The following TFCP2L1 variants were observed in gnomAD, a reference collection of about 807,000 sequenced individuals.
TFCP2L1 encodes the protein transcription factor CP2-like protein 1.
Under a neutral mutation model 72.2 loss-of-function variants are expected in TFCP2L1, and 12 were observed. The ratio of observed to expected loss-of-function variants is 0.17; its 90% CI spans 0.11 to 0.27. The LOEUF (loss-of-function observed/expected upper bound fraction) is 0.27. Among genes scored for constraint, TFCP2L1 ranks in the 10% least tolerant of loss-of-function variants. TFCP2L1 has a pLI of 1.00. For synonymous variants in TFCP2L1, 260 were observed against 251.0 expected, an observed-to-expected ratio of 1.04 and a Z score of -0.34; for missense variants, 488 against 624.6, an observed-to-expected ratio of 0.78 and a Z score of 2.33.
intron 6 of TFCP2L1, 114 bp downstream of exon 6, chr2:121,246,704 G>T: frequency 7.3e-7 from 1 of 1,365,710 alleles, no homozygotes. Context: ...GTGCTAAAGG[G>T]ATGCTGCGTT....
At chr2:121,274,486 G>A (rs1212118284) in intron 2 of TFCP2L1, among the ~76,000 whole-genome samples, 2 of 152,114 alleles carry the variant, frequency 1.3e-5, no homozygotes, top group Non-Finnish European at 2.9e-5. Flanking sequence ...TTCATCTTAT[G>A]TGCCTAAGGT....
intron 8 of TFCP2L1, among the ~76,000 whole-genome samples, chr2:121,239,149 C>T (rs1268467280): frequency 1.3e-5 from 2 of 152,140 alleles, no homozygotes; most frequent in African/African-American, 4.8e-5. Context: ...AAACCCAAGG[C>T]AGAGAGGACC....
At position 121,218,819 on chromosome 2, in the gene TFCP2L1, A is replaced by G. The variant is rs1177540731; in HGVS notation, c.*5522T>C. ...CAGATCTGTTAGCTGTGACCCATAG[A>G]TTGGGGGAGGGAGGAAAGCCAGGAG... On this transcript the variant is annotated 3_prime_UTR_variant, in exon 15 of 15. Coordinates refer to ENST00000263707, the MANE Select transcript of TFCP2L1 (RefSeq NM_014553.3). 1 of 152,290 alleles carries G rather than the reference A, an allele frequency of 6.6e-6. No homozygotes were observed. Among genetic ancestry groups the G allele is most frequent in the African/African-American group, 2.4e-5 (1 of 41,412 alleles). The allele number at this position is 152,290 out of a possible 1,614,324, so 9.4% of individuals were successfully genotyped here.
At chr2:121,274,723 T>A (rs1159479495) in intron 2 of TFCP2L1, among the ~76,000 whole-genome samples, 5 of 152,140 alleles carry the variant, frequency 3.3e-5, no homozygotes, top group Admixed American at 3.3e-4. Flanking sequence ...CCAAGGAGGA[T>A]TGCTTGAGCT....
In TFCP2L1 at chr2:121,220,039, A is replaced by G. The variant is rs1685901939; in HGVS notation, c.*4302T>C. ...ATCCACTGCTTTCTCACCCCCTCTG[A>G]GCGCCTAGGGACTTTCTCCCTCTGC... On this transcript the variant is annotated 3_prime_UTR_variant, in exon 15 of 15. Transcript: ENST00000263707. 7.5e-6 allele frequency: 1 copy of G among 133,108 alleles called. No homozygotes were observed. The highest frequency in any genetic ancestry group is 2.3e-4 in the South Asian group (1 of 4,386). 8.2% of individuals were successfully genotyped at this position (133,108 alleles called of 1,614,324 possible). A position where few individuals can be genotyped will look rare whatever the true frequency, so the allele number is the denominator to read the frequency against.
chr2:121,254,600 C>A (rs1686677811), intron 2 of TFCP2L1, among the ~76,000 whole-genome samples: 1 of 152,156 alleles, frequency 6.6e-6, no homozygotes, highest in Admixed American at 6.5e-5. Flanking sequence ...GAGTTCGAGA[C>A]CAGCATGGCC....
intron 2 of TFCP2L1, among the ~76,000 whole-genome samples, chr2:121,255,739 G>C (rs533542301): frequency 1.1e-4 from 17 of 149,752 alleles, no homozygotes; most frequent in African/African-American, 4.2e-4. Flanking sequence ...CATTTCCCCT[G>C]AACTTATTTT....
chr2:121,255,964 G>A (rs977218545), intron 2 of TFCP2L1, among the ~76,000 whole-genome samples: 4 of 152,034 alleles, frequency 2.6e-5, no homozygotes, highest in Non-Finnish European at 4.4e-5. Context: ...GGATGGTCTC[G>A]ATCTCCTACC....
At chr2:121,257,680 A>AT (rs1686754991) in intron 2 of TFCP2L1, among the ~76,000 whole-genome samples, 1 of 152,274 alleles carries the variant, frequency 6.6e-6, no homozygotes, top group Non-Finnish European at 1.5e-5. Flanking sequence ...TTTGTAGGAC[A>AT]TAAGACCGCC....
intron 8 of TFCP2L1, among the ~76,000 whole-genome samples, chr2:121,238,581 C>T (rs1686298808): frequency 6.6e-6 from 1 of 152,100 alleles, no homozygotes; most frequent in Admixed American, 6.5e-5. Context: ...GAGACCCTCG[C>T]AGGGCTGATC....
intron 3 of TFCP2L1, 94 bp downstream of exon 3, chr2:121,249,477 C>G: frequency 8.3e-7 from 1 of 1,200,378 alleles, no homozygotes; most frequent in Non-Finnish European, 1.2e-6. Context: ...CCCTAACCTT[C>G]CAGCTACCCG....
At chr2:121,233,392 T>C (rs1686182987) in intron 12 of TFCP2L1, among the ~76,000 whole-genome samples, 1 of 152,190 alleles carries the variant, frequency 6.6e-6, no homozygotes, top group African/African-American at 2.4e-5. Flanking sequence ...GGGTTACTCC[T>C]GACCTCAAGT....
At chr2:121,256,133 C>T (rs990418731) in intron 2 of TFCP2L1, among the ~76,000 whole-genome samples, 4 of 152,182 alleles carry the variant, frequency 2.6e-5, no homozygotes, top group African/African-American at 9.7e-5. Flanking sequence ...CCCTACTGCC[C>T]CATGCCCTCA....
intron 7 of TFCP2L1, chr2:121,240,296 T>C (rs1052166586): frequency 2.0e-6 from 2 of 985,314 alleles, no homozygotes; most frequent in Non-Finnish European, 2.4e-6. Flanking sequence ...CAAACACAAA[T>C]GCATGTGGAG....
At position 121,281,084 on chromosome 2, in the gene TFCP2L1, T is replaced by C. The variant is rs79793779; in HGVS notation, c.214+36A>G. ...TTTCGCATCAGCTCCCCACTACTTC[T>C]GGGTTCCGCCCTGGCCCGGGGCCTC... On this transcript the variant is annotated intron_variant, in intron 2 of 14. Coordinates refer to ENST00000263707, the MANE Select transcript of TFCP2L1 (RefSeq NM_014553.3). The C allele has an allele frequency of 5.6e-4, 899 of 1,612,932 alleles. 4 individuals carry two copies. The African/African-American group carries it at 7.1e-3, about 13-fold the overall frequency.
At chr2:121,261,666 A>C (rs1005199591) in intron 2 of TFCP2L1, among the ~76,000 whole-genome samples, 3 of 152,226 alleles carry the variant, frequency 2.0e-5, no homozygotes, top group Non-Finnish European at 4.4e-5. Context: ...TTAGGCAACC[A>C]TTACAATAAT....
intron 2 of TFCP2L1, among the ~76,000 whole-genome samples, chr2:121,268,399 G>C (rs922783281): frequency 6.6e-6 from 1 of 151,820 alleles, no homozygotes; most frequent in Admixed American, 6.6e-5. Context: ...TGTTACCCAG[G>C]CTGGAGTGCA....
At chr2:121,224,728 A>C (rs1685988859) in intron 14 of TFCP2L1, among the ~76,000 whole-genome samples, 1 of 152,168 alleles carries the variant, frequency 6.6e-6, no homozygotes, top group South Asian at 2.1e-4. Context: ...CACGCCTGTA[A>C]TCCCAGCACT....
At chr2:121,280,563 G>A (rs1423185049) in intron 2 of TFCP2L1, among the ~76,000 whole-genome samples, 2 of 152,110 alleles carry the variant, frequency 1.3e-5, no homozygotes, top group Non-Finnish European at 2.9e-5. Context: ...TTTGAGACCA[G>A]CCTGGGCAAC....
Sources: gnomAD v4.1 joint callset for allele counts (sites outside exome capture counted in the v4.1 genomes callset) on GRCh38, gnomAD v4.1.1 for gene constraint, MANE v1.5 for transcripts, NCBI Gene and HGNC (gene_info 2026-07-23, HGNC 2026-07-21) for gene names.